OXR1: variants seen among roughly 807,000 people sequenced by gnomAD.
OXR1 encodes oxidation resistance 1, also known as oxidation resistance protein 1.
A neutral mutation model predicts 104.6 loss-of-function variants in OXR1; 41 were observed. The ratio of observed to expected loss-of-function variants is 0.39; its 90% CI spans 0.31 to 0.51. The LOEUF (loss-of-function observed/expected upper bound fraction) is 0.51, where lower values mean the gene tolerates loss of function less well. Among genes scored for constraint, OXR1 ranks in the 20% least tolerant of loss-of-function variants. OXR1 has a pLI of 0.77. For missense variants in OXR1, 955 were observed against 1,031.9 expected, an observed-to-expected ratio of 0.93 and a Z score of 1.02; for synonymous variants, 348 against 348.4, an observed-to-expected ratio of 1.00 and a Z score of 0.01.
At chr8:106,348,500 T>C (rs900033967) in intron 1 of OXR1, among the ~76,000 whole-genome samples, 2 of 152,220 alleles carry the variant, frequency 1.3e-5, no homozygotes, top group African/African-American at 2.4e-5. Flanking sequence ...TTTAATCTGC[T>C]GCTTTTTTTT....
chr8:106,562,737 A>C (rs553421285), intron 3 of OXR1, among the ~76,000 whole-genome samples: 1 of 152,326 alleles, frequency 6.6e-6, no homozygotes, highest in African/African-American at 2.4e-5. Flanking sequence ...CGGGTTACCC[A>C]CAAAGAGAAG....
chr8:106,565,521 A>G (rs1434336221), intron 3 of OXR1, among the ~76,000 whole-genome samples: 1 of 152,242 alleles, frequency 6.6e-6, no homozygotes, highest in African/African-American at 2.4e-5. Context: ...ATGGATAGGA[A>G]GAATAAATAT....
At chr8:106,750,304 T>TTTTTC (rs1167247095) in intron 16 of OXR1, among the ~76,000 whole-genome samples, 135 of 149,588 alleles carry the variant, frequency 9.0e-4, no homozygotes, top group African/African-American at 3.2e-3. Flanking sequence ...ATAAATAATT[T>TTTTTC]TTTTCTTTTC....
At chr8:106,714,284 A>G (rs756073478) in intron 11 of OXR1, among the ~76,000 whole-genome samples, 1 of 152,018 alleles carries the variant, frequency 6.6e-6, no homozygotes, top group Non-Finnish European at 1.5e-5. Flanking sequence ...CAAAGAAGGA[A>G]ATAATTTTAA....
rs114938314 is a variant in OXR1, at chr8:106,378,029, T to C, written c.23+18393T>C. The stretch of plus-strand genomic sequence containing the variant: ...TGTGTTCTTTTTGTCTAGTACTTCA[T>C]GTGGTTATCAAATACCAAATTAGAA... On this transcript the variant is annotated intron_variant, in intron 2 of 16. Transcript: ENST00000517566. 2.3e-3 allele frequency among the ~76,000 whole-genome samples: 351 copies of C among 152,328 alleles called. 1 individual carries two copies. The highest frequency in any genetic ancestry group is 7.9e-3 in the African/African-American group (327 of 41,582).
At chr8:106,363,240 T>G in intron 2 of OXR1, among the ~76,000 whole-genome samples, 1 of 152,222 alleles carries the variant, frequency 6.6e-6, no homozygotes, top group East Asian at 1.9e-4. Flanking sequence ...AGCTCATTTA[T>G]AAGCCAGAAG....
chr8:106,511,722 T>C (rs1394729141), intron 2 of OXR1, among the ~76,000 whole-genome samples: 2 of 152,236 alleles, frequency 1.3e-5, no homozygotes, highest in Admixed American at 6.5e-5. Flanking sequence ...CAGGCAGATA[T>C]AGCATGAATA....
chr8:106,293,470 C>G (rs769526306), intron 1 of OXR1, among the ~76,000 whole-genome samples: 2 of 152,170 alleles, frequency 1.3e-5, no homozygotes, highest in Non-Finnish European at 2.9e-5. Context: ...ACAGGAGTGT[C>G]GTGGTTGCCA....
At chr8:106,738,412 T>C (rs952432573) in intron 12 of OXR1, among the ~76,000 whole-genome samples, 1 of 152,062 alleles carries the variant, frequency 6.6e-6, no homozygotes, top group South Asian at 2.1e-4. Flanking sequence ...AATACACTTA[T>C]AGAACATGTA....
chr8:106,655,043 G>A (rs886627595), intron 3 of OXR1, among the ~76,000 whole-genome samples: 1 of 152,124 alleles, frequency 6.6e-6, no homozygotes, highest in African/African-American at 2.4e-5. Flanking sequence ...AGTGAAAGAA[G>A]CCAGACCCCA....
chr8:106,544,122 T>C (rs1269369667), intron 3 of OXR1, among the ~76,000 whole-genome samples: 4 of 152,168 alleles, frequency 2.6e-5, no homozygotes, highest in Non-Finnish European at 4.4e-5. Context: ...GCCTGAGTAA[T>C]GTTGAATAAA....
In OXR1 at chr8:106,692,894, T is replaced by G. The variant is rs748393086; in HGVS notation, c.675+17T>G. The G allele has an allele frequency of 1.9e-6, 3 of 1,556,680 alleles. No individual in the cohort carries two copies. The highest frequency in any genetic ancestry group is 2.6e-6 in the Non-Finnish European group (3 of 1,140,470). On this transcript the variant is annotated intron_variant, in intron 7 of 16. Coordinates refer to ENST00000517566, the MANE Select transcript of OXR1 (RefSeq NM_001198533.2). The stretch of plus-strand genomic sequence containing the variant: ...AGTGGCAAGGTAAAGAATGACACTT[T>G]AGAGAAGACCTTTAATCATGCTTTA...
chr8:106,492,855 G>T (rs983740898), intron 2 of OXR1, among the ~76,000 whole-genome samples: 2 of 152,114 alleles, frequency 1.3e-5, no homozygotes, highest in Non-Finnish European at 2.9e-5. Context: ...ACTTTCACCA[G>T]TCCAGAATCC....
chr8:106,745,489 TTCTATTAAC>T (rs1481627820), intron 15 of OXR1, among the ~76,000 whole-genome samples: 1 of 152,230 alleles, frequency 6.6e-6, no homozygotes, highest in Non-Finnish European at 1.5e-5. Context: ...TCTCAATTTT[TTCTATTAAC>T]CGTCCAACTC....
intron 3 of OXR1, among the ~76,000 whole-genome samples, chr8:106,551,827 C>CACACAT (rs751692564): frequency 1.9e-3 from 275 of 141,736 alleles, no homozygotes; most frequent in African/African-American, 7.0e-3. Context: ...CACACACACA[C>CACACAT]ATATATATAT....
At chr8:106,602,719 TTA>T (rs1179107646) in intron 3 of OXR1, among the ~76,000 whole-genome samples, 1 of 152,182 alleles carries the variant, frequency 6.6e-6, no homozygotes, top group African/African-American at 2.4e-5. Context: ...TTACATATGA[TTA>T]TGTGTTTATT....
intron 1 of OXR1, among the ~76,000 whole-genome samples, chr8:106,297,378 T>G (rs190540322): frequency 6.6e-6 from 1 of 152,298 alleles, no homozygotes; most frequent in East Asian, 1.9e-4. Context: ...AGGGCAGCAT[T>G]CTGAGAAATG....
intron 4 of OXR1, among the ~76,000 whole-genome samples, chr8:106,682,221 A>G (rs889387325): frequency 6.6e-6 from 1 of 150,620 alleles, no homozygotes; most frequent in Admixed American, 6.6e-5. Flanking sequence ...CTTGTGCAAA[A>G]TGACTTTTAG....
chr8:106,467,759 G>A (rs1168275838), intron 2 of OXR1, among the ~76,000 whole-genome samples: 3 of 151,856 alleles, frequency 2.0e-5, no homozygotes, highest in South Asian at 4.1e-4. Context: ...GACATCCATG[G>A]AGGATATCTC....
Sources: gnomAD v4.1 joint callset for allele counts (sites outside exome capture counted in the v4.1 genomes callset) on GRCh38, gnomAD v4.1.1 for gene constraint, MANE v1.5 for transcripts, NCBI Gene and HGNC (gene_info 2026-07-23, HGNC 2026-07-21) for gene names.